DIP2C: variants seen among roughly 807,000 people sequenced by gnomAD.
DIP2C encodes the protein DIP2 acetate--CoA ligase C (putative).
A neutral mutation model predicts 192.4 loss-of-function variants in DIP2C; 33 were observed. The ratio of observed to expected loss-of-function variants is 0.17; its 90% CI spans 0.13 to 0.23. The LOEUF is 0.23. Ranked by LOEUF, DIP2C falls within the 10% of genes least tolerant of loss-of-function variation. DIP2C has a pLI of 1.00. For synonymous variants in DIP2C, 979 were observed against 864.1 expected, an observed-to-expected ratio of 1.13 and a Z score of -2.33; for missense variants, 1,537 against 2,110.1, an observed-to-expected ratio of 0.73 and a Z score of 5.32.
At chr10:499,849 G>A (rs768803958) in intron 1 of DIP2C, among the ~76,000 whole-genome samples, 4 of 152,214 alleles carry the variant, frequency 2.6e-5, no homozygotes, top group Non-Finnish European at 5.9e-5. Context: ...GTTACCATCT[G>A]CCAAATTGTT....
chr10:418,363 G>GTTCC (rs1965945300), intron 6 of DIP2C, among the ~76,000 whole-genome samples: 1 of 150,370 alleles, frequency 6.7e-6, no homozygotes, highest in African/African-American at 2.4e-5. Flanking sequence ...CTGTCCGCCT[G>GTTCC]TGAGTCCCGT....
chr10:637,064 G>C (rs1854881296), intron 1 of DIP2C, among the ~76,000 whole-genome samples: 1 of 152,268 alleles, frequency 6.6e-6, no homozygotes, highest in Non-Finnish European at 1.5e-5. Flanking sequence ...CGTGGGGCAA[G>C]AACAGGGTCA....
chr10:392,826 ACACACGCC>A (rs1205507474), intron 10 of DIP2C, among the ~76,000 whole-genome samples: 1 of 148,792 alleles, frequency 6.7e-6, no homozygotes, highest in African/African-American at 2.6e-5. Context: ...GCACACACAC[ACACACGCC>A]CACGCACACA....
intron 28 of DIP2C, among the ~76,000 whole-genome samples, chr10:341,786 G>A (rs548026269): frequency 8.3e-4 from 126 of 152,280 alleles, no homozygotes; most frequent in African/African-American, 2.9e-3. Context: ...GGCCAAGGTG[G>A]GATGGTCACT....
At chr10:509,713 G>C (rs1163132217) in intron 1 of DIP2C, among the ~76,000 whole-genome samples, 1 of 152,218 alleles carries the variant, frequency 6.6e-6, no homozygotes, top group Admixed American at 6.5e-5. Flanking sequence ...GGACACCTCA[G>C]AGAAGGGCCG....
At chr10:647,715 T>A (rs375732169) in intron 1 of DIP2C, among the ~76,000 whole-genome samples, 5 of 134,188 alleles carry the variant, frequency 3.7e-5, no homozygotes, top group East Asian at 2.6e-4. Context: ...CCACACTGGA[T>A]GGTGGGAGAG....
At chr10:627,684 A>T (rs1216206589) in intron 1 of DIP2C, among the ~76,000 whole-genome samples, 1 of 152,268 alleles carries the variant, frequency 6.6e-6, no homozygotes, top group Non-Finnish European at 1.5e-5. Flanking sequence ...GCCTGCTTTA[A>T]GCCTCAGACT....
At position 590,668 on chromosome 10, in the gene DIP2C, A is replaced by G. The variant is rs72774567; in HGVS notation, c.85+98826T>C. On this transcript the variant is annotated intron_variant, in intron 1 of 36. Transcript: ENST00000280886. ...CCATAGTCTGCTCCTACACAACACT[A>G]TATCTCTACAAGTTAGACGGGTTTT... is the stretch of plus-strand genomic sequence containing the variant. 6.0e-3 allele frequency among the ~76,000 whole-genome samples: 907 copies of G among 152,344 alleles called. 15 individuals are homozygous for G. The highest frequency in any genetic ancestry group is 9.3e-3 in the Non-Finnish European group (630 of 68,036).
intron 23 of DIP2C, among the ~76,000 whole-genome samples, chr10:357,442 G>A (rs1014942890): frequency 1.3e-5 from 2 of 152,238 alleles, no homozygotes; most frequent in East Asian, 1.9e-4. Context: ...GGGACCGTGC[G>A]CGGGACAAGG....
At chr10:365,072 C>T (rs1960029873) in intron 19 of DIP2C, 2 of 503,186 alleles carry the variant, frequency 4.0e-6, no homozygotes, top group African/African-American at 2.0e-5. Flanking sequence ...AAACTCTAAC[C>T]CTCTTTTTTC....
rs183862615 is a variant in DIP2C, at chr10:559,277, C to G, written c.86-72747G>C. The stretch of plus-strand genomic sequence containing the variant: ...CACAGACCCCACGACGAGGGTCTAA[C>G]CAGGACAAGCCTCGGCCTGGAACAG... On this transcript the variant is annotated intron_variant, in intron 1 of 36. Coordinates refer to ENST00000280886, the MANE Select transcript of DIP2C (RefSeq NM_014974.3). Among the ~76,000 whole-genome samples, 883 of 152,074 alleles carry G rather than the reference C, an allele frequency of 5.8e-3. 11 individuals carry two copies. The highest frequency in any genetic ancestry group is 0.02 in the African/African-American group (839 of 41,328).
intron 1 of DIP2C, among the ~76,000 whole-genome samples, chr10:649,685 G>A (rs897745470): frequency 4.6e-5 from 7 of 152,146 alleles, no homozygotes; most frequent in African/African-American, 1.2e-4. Flanking sequence ...TCAAATTCTC[G>A]ATGAATAATT....
intron 26 of DIP2C, among the ~76,000 whole-genome samples, chr10:347,533 A>C (rs1958552570): frequency 9.1e-6 from 1 of 109,522 alleles, no homozygotes; most frequent in Non-Finnish European, 1.9e-5. Flanking sequence ...ACACGCACCC[A>C]ACCCAGACAC....
chr10:314,618 G>A (rs1235861583), intron 31 of DIP2C, among the ~76,000 whole-genome samples: 1 of 152,182 alleles, frequency 6.6e-6, no homozygotes, highest in Non-Finnish European at 1.5e-5. Flanking sequence ...AAGGCATCAG[G>A]ACGAGGCTGG....
chr10:318,406 C>T (rs981395081), intron 31 of DIP2C, among the ~76,000 whole-genome samples: 3 of 152,180 alleles, frequency 2.0e-5, no homozygotes, highest in Admixed American at 1.3e-4. Context: ...TGTCCAGACA[C>T]GATCCAGGTT....
intron 1 of DIP2C, among the ~76,000 whole-genome samples, chr10:611,012 G>A (rs1241118246): frequency 6.6e-6 from 1 of 150,504 alleles, no homozygotes; most frequent in Non-Finnish European, 1.5e-5. Context: ...CAGTGTTGGA[G>A]GTGGGCCCTG....
At chr10:296,522 GC>G (rs2132236441) in intron 32 of DIP2C, among the ~76,000 whole-genome samples, 1 of 152,226 alleles carries the variant, frequency 6.6e-6, no homozygotes, top group South Asian at 2.1e-4. Context: ...ATTTGACACA[GC>G]CATCCCATTA....
In DIP2C at chr10:420,971, C is replaced by T. The variant is rs1391340931; in HGVS notation, c.605-1772G>A. 3.3e-5 allele frequency among the ~76,000 whole-genome samples: 5 copies of T among 152,318 alleles called. No individual in the cohort carries two copies. In the East Asian group the frequency reaches 5.8e-4, roughly 18 times the overall value. On this transcript the variant is annotated intron_variant, in intron 5 of 36. Transcript: ENST00000280886. ...GACGCACGATCACACACGCTACTTTCCTGTTTGTAGGCTTCTGATTATCTC... is the reference window on the plus strand; with the variant it reads ...GACGCACGATCACACACGCTACTTTTCTGTTTGTAGGCTTCTGATTATCTC...
chr10:548,525 GGC>G, intron 1 of DIP2C, among the ~76,000 whole-genome samples: 1 of 150,560 alleles, frequency 6.6e-6, no homozygotes, highest in African/African-American at 2.4e-5. Context: ...GAGGGAGGCA[GGC>G]AGGCAGGCAG....
Sources: gnomAD v4.1 joint callset for allele counts (sites outside exome capture counted in the v4.1 genomes callset) on GRCh38, gnomAD v4.1.1 for gene constraint, MANE v1.5 for transcripts, NCBI Gene and HGNC (gene_info 2026-07-23, HGNC 2026-07-21) for gene names.